Variants in MATCAP2 observed in about 807,000 individuals in gnomAD.
The protein encoded by MATCAP2 is putative tyrosine carboxypeptidase MATCAP2.
the MATCAP2 span, among the ~76,000 whole-genome samples, chr7:36,373,348 A>G: frequency 6.6e-6 from 1 of 152,176 alleles, no homozygotes; most frequent in South Asian, 2.1e-4. Context: ...GTGATCAGGA[A>G]AGGCCTCTGA....
At chr7:36,343,888 T>C in the MATCAP2 span, among the ~76,000 whole-genome samples, 2 of 151,978 alleles carry the variant, frequency 1.3e-5, no homozygotes, top group Non-Finnish European at 2.9e-5. Context: ...TACTCAAAAT[T>C]AAGGCAACTT....
At chr7:36,383,069 G>A in the MATCAP2 span, among the ~76,000 whole-genome samples, 10 of 152,062 alleles carry the variant, frequency 6.6e-5, no homozygotes, top group African/African-American at 2.2e-4. Context: ...AGCACAATAT[G>A]TTCATGCTCA....
the MATCAP2 span, among the ~76,000 whole-genome samples, chr7:36,375,971 TTC>T: frequency 2.0e-5 from 3 of 152,194 alleles, no homozygotes; most frequent in Non-Finnish European, 4.4e-5. Flanking sequence ...TATTTGATTA[TTC>T]TCTCTTTTCT....
chr7:36,354,342 C>T, the MATCAP2 span, among the ~76,000 whole-genome samples: 2 of 152,240 alleles, frequency 1.3e-5, no homozygotes, highest in East Asian at 3.8e-4. Context: ...CTCGGTTCCA[C>T]TGTGGCAGAC....
chr7:36,330,303 C>T, the MATCAP2 span, among the ~76,000 whole-genome samples: 6 of 152,022 alleles, frequency 3.9e-5, no homozygotes, highest in Non-Finnish European at 8.8e-5. Context: ...CCAGGCTGCT[C>T]TCAAACTCCT....
chr7:36,367,101 G>A, the MATCAP2 span: 1 of 1,244,718 alleles, frequency 8.0e-7, no homozygotes, highest in Non-Finnish European at 1.0e-6. Context: ...AAGGGCGGAC[G>A]AAGACGTACC....
chr7:36,344,194 G>A, the MATCAP2 span, among the ~76,000 whole-genome samples: 8 of 152,180 alleles, frequency 5.3e-5, no homozygotes, highest in Middle Eastern at 6.8e-3. Flanking sequence ...ACAGGCTGTA[G>A]GCAAAAAGCT....
At chr7:36,363,116 G>A in the MATCAP2 span, among the ~76,000 whole-genome samples, 1 of 152,094 alleles carries the variant, frequency 6.6e-6, no homozygotes, top group Admixed American at 6.6e-5. Flanking sequence ...AATTATCCCA[G>A]GAAGGTAAAA....
the MATCAP2 span, chr7:36,366,851 C>A: frequency 6.6e-7 from 1 of 1,504,186 alleles, no homozygotes; most frequent in Non-Finnish European, 8.8e-7. Flanking sequence ...ATTACCTGAG[C>A]CCCGGGCGGC....
chr7:36,333,158 T>A, the MATCAP2 span, among the ~76,000 whole-genome samples: 1 of 152,206 alleles, frequency 6.6e-6, no homozygotes, highest in African/African-American at 2.4e-5. Flanking sequence ...CGAGCTTTGC[T>A]AAGGGACAGA....
chr7:36,363,658 G>A, the MATCAP2 span, among the ~76,000 whole-genome samples: 16 of 152,142 alleles, frequency 1.1e-4, no homozygotes, highest in African/African-American at 3.9e-4. Flanking sequence ...ACTTTGGAAT[G>A]GAGTTGTCTG....
chr7:36,390,130 C>G, the MATCAP2 span: 1 of 1,600,630 alleles, frequency 6.2e-7, no homozygotes, highest in Admixed American at 1.7e-5. Flanking sequence ...GGGCGAACCC[C>G]CACCGGGCGG....
At chr7:36,389,509 T>G in the MATCAP2 span, among the ~76,000 whole-genome samples, 4 of 152,288 alleles carry the variant, frequency 2.6e-5, no homozygotes, top group East Asian at 3.9e-4. Flanking sequence ...ATTATAAGCA[T>G]GCGCCACTAC....
the MATCAP2 span, among the ~76,000 whole-genome samples, chr7:36,376,963 C>T: frequency 1.3e-5 from 2 of 152,036 alleles, no homozygotes; most frequent in South Asian, 4.1e-4. Flanking sequence ...GGTAGATCTT[C>T]CTCCATCCTT....
the MATCAP2 span, chr7:36,326,992 G>A: frequency 5.2e-6 from 7 of 1,341,938 alleles, no homozygotes; most frequent in Admixed American, 1.3e-4. Context: ...TTCTTCCCTG[G>A]GCCTTAAATG....
chr7:36,371,620 A>C, the MATCAP2 span, among the ~76,000 whole-genome samples: 1 of 152,156 alleles, frequency 6.6e-6, no homozygotes, highest in Non-Finnish European at 1.5e-5. Flanking sequence ...GACTCAGGAG[A>C]AGTTTGATCA....
At chr7:36,388,263 A>G in the MATCAP2 span, among the ~76,000 whole-genome samples, 2 of 151,840 alleles carry the variant, frequency 1.3e-5, no homozygotes, top group Non-Finnish European at 2.9e-5. Context: ...CAGTTTTAAC[A>G]TATTTCCAAA....
At chr7:36,390,265 G>C in the MATCAP2 span, 1 of 682,354 alleles carries the variant, frequency 1.5e-6, no homozygotes, top group African/African-American at 1.8e-5. Flanking sequence ...ACTCAGGGAG[G>C]AAGGCTTTGA....
chr7:36,361,639 C>T, the MATCAP2 span, among the ~76,000 whole-genome samples: 1 of 152,092 alleles, frequency 6.6e-6, no homozygotes, highest in Non-Finnish European at 1.5e-5. Context: ...GCCTGTAGTC[C>T]CAGCTATTCA....
Sources: allele counts gnomAD v4.1 joint callset (sites outside exome capture counted in the v4.1 genomes callset), GRCh38; gene constraint gnomAD v4.1.1; transcripts MANE v1.5; gene names NCBI Gene and HGNC (gene_info 2026-07-23, HGNC 2026-07-21).